The following GSE1 variants were observed in gnomAD, a reference collection of about 807,000 sequenced individuals.
GSE1 encodes Gse1 coiled-coil protein, also known as genetic suppressor element 1.
Under a neutral mutation model 112.6 loss-of-function variants are expected in GSE1, and 32 were observed. That is an observed-to-expected ratio of 0.28 (90% CI 0.21 to 0.38). The LOEUF (loss-of-function observed/expected upper bound fraction) is 0.38, where lower values mean the gene tolerates loss of function less well. Among genes scored for constraint, GSE1 ranks in the 10% least tolerant of loss-of-function variants. GSE1 has a pLI of 1.00. For synonymous variants in GSE1, 1,115 were observed against 735.6 expected (o/e 1.52, Z -8.35); for missense variants, 2,348 against 1,699.2 (o/e 1.38, Z -6.71).
At chr16:85,593,404 G>A (rs1330924165) in intron 1 of GSE1, 1 of 152,410 alleles carries the variant, frequency 6.6e-6, no homozygotes, top group Non-Finnish European at 1.5e-5. Flanking sequence ...TGCAGGGCTG[G>A]TCAGGTCAGC....
Position 85,657,307 on chromosome 16 carries a change from C to G in GSE1, c.1343C>G (p.Pro448Arg). The G allele has an allele frequency of 6.3e-7, 1 of 1,591,618 alleles. No individual in the cohort carries two copies. The highest frequency in any genetic ancestry group is 8.6e-7 in the Non-Finnish European group (1 of 1,169,294). Residue 448 changes from proline to arginine, a missense_variant, in exon 8 of 16, where the codon CCC becomes CGC. Physicochemically the swap from Pro to Arg is moderately radical, Grantham distance 103. Coordinates refer to ENST00000253458, the MANE Select transcript of GSE1 (RefSeq NM_014615.5). ...EKLKDAGLQA[P>R]KPVQHPLHPV... ...CTGAAGGATGCCGGCCTGCAGGCGC[C>G]CAAGCCCGTCCAACACCCCTTGCAT...
intron 8 of GSE1, among the ~76,000 whole-genome samples, chr16:85,658,778 C>T (rs1000908659): frequency 6.6e-6 from 1 of 151,822 alleles, no homozygotes; most frequent in African/African-American, 2.4e-5. Context: ...CTGATAACAT[C>T]AGGGTGCCCT....
chr16:85,343,653 G>A (rs1253382504), intron 1 of GSE1, among the ~76,000 whole-genome samples: 1 of 152,192 alleles, frequency 6.6e-6, no homozygotes, highest in African/African-American at 2.4e-5. Context: ...AGGAGGCTGA[G>A]GTGGGAGGAT....
upstream of GSE1, chr16:85,613,155 A>T: frequency 7.7e-7 from 1 of 1,301,624 alleles, no homozygotes; most frequent in Non-Finnish European, 1.0e-6. Flanking sequence ...CCGCTGGCTG[A>T]GGTCAGGGAG....
At chr16:85,552,522 C>T (rs1396725778), upstream of GSE1, among the ~76,000 whole-genome samples, 1 of 131,610 alleles carries the variant, frequency 7.6e-6, no homozygotes, top group African/African-American at 2.6e-5. Context: ...TTAGTAGAGA[C>T]AGAGTTTCAC....
chr16:85,360,245 G>A (rs563865916), intron 2 of GSE1, among the ~76,000 whole-genome samples: 2 of 152,036 alleles, frequency 1.3e-5, no homozygotes, highest in African/African-American at 2.4e-5. Flanking sequence ...AGCGGGGTAC[G>A]TTGGGGGCGG....
intron 1 of GSE1, among the ~76,000 whole-genome samples, chr16:85,557,865 C>T (rs141812324): frequency 2.2e-4 from 33 of 150,938 alleles, no homozygotes; most frequent in African/African-American, 8.0e-4. Flanking sequence ...GTTTTAGTTC[C>T]CAGTAACTGA....
intron 1 of GSE1, among the ~76,000 whole-genome samples, chr16:85,603,938 TC>T (rs1463254481): frequency 6.6e-6 from 1 of 152,240 alleles, no homozygotes; most frequent in Non-Finnish European, 1.5e-5. Flanking sequence ...CAAATCATTT[TC>T]TTTTTTTCTT....
intron 2 of GSE1, among the ~76,000 whole-genome samples, chr16:85,509,340 A>G (rs779795587): frequency 2.6e-5 from 4 of 152,130 alleles, no homozygotes; most frequent in Admixed American, 6.5e-5. Flanking sequence ...AGGCTGCCTG[A>G]GTCTCACTAA....
intron 1 of GSE1, chr16:85,594,141 C>T (rs1461936964): frequency 4.0e-5 from 6 of 151,082 alleles, no homozygotes; most frequent in African/African-American, 1.5e-4. Context: ...CAGGGCTGCC[C>T]AAGGCCTGGC....
chr16:85,325,636 G>C (rs1300187475), intron 1 of GSE1, among the ~76,000 whole-genome samples: 1 of 152,036 alleles, frequency 6.6e-6, no homozygotes, highest in Non-Finnish European at 1.5e-5. Context: ...ATTTTTAGTA[G>C]AGACGGCATT....
rs1185978164 is a variant in GSE1 at position 85,410,106 on chromosome 16, CGG to C, written c.2464+52464_2464+52465del. The stretch of plus-strand genomic sequence containing the variant: ...TCCTCACTGTTACTCTCAGGCCCCC[CGG>C]ATAATCCTCACTGTTGCACTCAGGG... On this transcript the variant is annotated intron_variant, in intron 2 of 2. Transcript: ENST00000637419. Among the ~76,000 whole-genome samples, 203 of 64,334 alleles carry C rather than the reference CGG, an allele frequency of 3.2e-3. 23 individuals are homozygous for C. Among genetic ancestry groups the C allele is most frequent in the Non-Finnish European group, 3.8e-3 (142 of 37,070 alleles). 42.2% of individuals were successfully genotyped at this position (64,334 alleles called of 152,430 possible).
chr16:85,597,659 T>C (rs2047291274), intron 1 of GSE1, among the ~76,000 whole-genome samples: 1 of 151,212 alleles, frequency 6.6e-6, no homozygotes. Context: ...TTTGTAGAGA[T>C]GGGGTTTCGC....
chr16:85,363,648 G>C (rs1487120974), intron 2 of GSE1, among the ~76,000 whole-genome samples: 2 of 152,216 alleles, frequency 1.3e-5, no homozygotes, highest in Non-Finnish European at 2.9e-5. Context: ...TTTCCCACCA[G>C]AGGGTGCAGT....
chr16:85,172,248 T>C (rs187263689), intron 1 of GSE1, among the ~76,000 whole-genome samples: 104 of 152,344 alleles, frequency 6.8e-4, no homozygotes, highest in Non-Finnish European at 1.1e-3. Flanking sequence ...GAAGTTCCTC[T>C]CCGTTCTAGC....
intron 2 of GSE1, among the ~76,000 whole-genome samples, chr16:85,645,339 G>A (rs752046951): frequency 1.3e-5 from 2 of 152,114 alleles, no homozygotes; most frequent in Non-Finnish European, 1.5e-5. Context: ...ATGTGAACGT[G>A]CCTCTGGGCC....
At chr16:85,365,623 T>C (rs893378430) in intron 2 of GSE1, among the ~76,000 whole-genome samples, 2 of 152,188 alleles carry the variant, frequency 1.3e-5, no homozygotes, top group Non-Finnish European at 2.9e-5. Flanking sequence ...GGTGCGTCCA[T>C]GTGCATTGCC....
chr16:85,498,455 A>G (rs2051254551), intron 2 of GSE1, among the ~76,000 whole-genome samples: 1 of 152,306 alleles, frequency 6.6e-6, no homozygotes. Context: ...ATGCATACGG[A>G]TGTGCATATA....
intron 1 of GSE1, among the ~76,000 whole-genome samples, chr16:85,280,719 T>C (rs1486964219): frequency 6.6e-6 from 1 of 152,194 alleles, no homozygotes; most frequent in East Asian, 1.9e-4. Flanking sequence ...AATTTGGGGA[T>C]TGCCCCCACA....
Sources: allele counts gnomAD v4.1 joint callset (sites outside exome capture counted in the v4.1 genomes callset), GRCh38; gene constraint gnomAD v4.1.1; transcripts MANE v1.5; gene names NCBI Gene and HGNC (gene_info 2026-07-23, HGNC 2026-07-21).